Variants in WWOX observed in about 807,000 individuals in gnomAD.
WWOX encodes the protein WW domain containing oxidoreductase, also known as WW domain-containing oxidoreductase.
A neutral mutation model predicts 46.2 loss-of-function variants in WWOX; 69 were observed. The ratio of observed to expected loss-of-function variants is 1.49; its 90% CI spans 1.23 to 1.82. WWOX has a LOEUF of 1.82. WWOX is among the 40% of genes most tolerant of loss of function. The pLI is 0.00. For synonymous variants in WWOX, 359 were observed against 202.6 expected (o/e 1.77, Z -6.56); for missense variants, 919 against 542.6 (o/e 1.69, Z -6.89).
chr16:78,998,645 G>C (rs1285270038), intron 8 of WWOX, among the ~76,000 whole-genome samples: 2 of 152,214 alleles, frequency 1.3e-5, no homozygotes, highest in Non-Finnish European at 2.9e-5. Context: ...AGATGACTTT[G>C]ATGTGTGTAG....
chr16:78,392,721 T>C (rs908517044), intron 6 of WWOX, among the ~76,000 whole-genome samples: 2 of 152,174 alleles, frequency 1.3e-5, no homozygotes, highest in Non-Finnish European at 2.9e-5. Flanking sequence ...CAACTTCGTG[T>C]TTAATGTTTT....
intron 6 of WWOX, among the ~76,000 whole-genome samples, chr16:78,398,493 C>G (rs769009882): frequency 6.6e-6 from 1 of 152,196 alleles, no homozygotes; most frequent in African/African-American, 2.4e-5. Context: ...GTCACGTCCT[C>G]TACAGAGCCT....
At chr16:78,849,892 C>T (rs1444111668) in intron 8 of WWOX, among the ~76,000 whole-genome samples, 1 of 151,932 alleles carries the variant, frequency 6.6e-6, no homozygotes, top group Admixed American at 6.6e-5. Context: ...GACCAACATG[C>T]AGAAACCCTG....
chr16:79,179,488 C>G (rs1004443883), intron 8 of WWOX, among the ~76,000 whole-genome samples: 1 of 152,330 alleles, frequency 6.6e-6, no homozygotes, highest in Admixed American at 6.5e-5. Flanking sequence ...GGAAAACCTG[C>G]AAACATGCAA....
At chr16:78,911,851 G>C (rs1371234799) in intron 8 of WWOX, among the ~76,000 whole-genome samples, 2 of 152,082 alleles carry the variant, frequency 1.3e-5, no homozygotes, top group Non-Finnish European at 2.9e-5. Context: ...GGGTGACAGA[G>C]CAGGACTCCA....
intron 8 of WWOX, among the ~76,000 whole-genome samples, chr16:78,839,998 T>A (rs548659011): frequency 6.6e-6 from 1 of 152,206 alleles, no homozygotes; most frequent in African/African-American, 2.4e-5. Flanking sequence ...CATTCCCTTT[T>A]CTGAGCCACA....
intron 8 of WWOX, among the ~76,000 whole-genome samples, chr16:78,832,415 A>G (rs938575592): frequency 3.2e-4 from 49 of 152,128 alleles, no homozygotes; most frequent in African/African-American, 1.2e-3. Flanking sequence ...GCTACATTCT[A>G]TTGATTAGAA....
chr16:78,606,527 C>T (rs1377492529), intron 8 of WWOX, among the ~76,000 whole-genome samples: 2 of 151,904 alleles, frequency 1.3e-5, no homozygotes, highest in African/African-American at 2.4e-5. Flanking sequence ...TCATATGAGC[C>T]CCTCTGAACA....
At chr16:78,178,514 T>C (rs1425549595) in intron 5 of WWOX, among the ~76,000 whole-genome samples, 3 of 152,190 alleles carry the variant, frequency 2.0e-5, no homozygotes, top group Non-Finnish European at 4.4e-5. Flanking sequence ...GGAGTAGGAA[T>C]ACATGTCAGT....
intron 8 of WWOX, among the ~76,000 whole-genome samples, chr16:79,029,519 G>C (rs1261230218): frequency 2.0e-5 from 3 of 152,126 alleles, no homozygotes; most frequent in Non-Finnish European, 4.4e-5. Flanking sequence ...GAGGACTTTG[G>C]AAATGGAACA....
chr16:78,816,294 ACT>A lies in WWOX; in HGVS notation c.1056+383545_1056+383546del, dbSNP rs1237120800. ...GCATTTGAGTTCCCAAAGAAGTAAA[ACT>A]CTGTGAATGTTCACTTCATTTTTTC... is the stretch of plus-strand genomic sequence containing the variant. On this transcript the variant is annotated intron_variant, in intron 8 of 8. Transcript: ENST00000566780. Among the ~76,000 whole-genome samples, 8 of 151,826 alleles carry A rather than the reference ACT, an allele frequency of 5.3e-5. No individual in the cohort carries two copies. In the East Asian group the frequency reaches 1.2e-3, roughly 22 times the overall value.
chr16:78,864,033 A>G (rs960663923), intron 8 of WWOX, among the ~76,000 whole-genome samples: 1 of 152,122 alleles, frequency 6.6e-6, no homozygotes, highest in African/African-American at 2.4e-5. Flanking sequence ...CCCTTTGACT[A>G]TTGCAAATAA....
chr16:78,976,364 C>G (rs1221070547), intron 8 of WWOX, among the ~76,000 whole-genome samples: 1 of 152,218 alleles, frequency 6.6e-6, no homozygotes, highest in Non-Finnish European at 1.5e-5. Flanking sequence ...CAGGTCCTCG[C>G]TCACTCCCAG....
intron 8 of WWOX, among the ~76,000 whole-genome samples, chr16:78,997,409 A>C (rs2151357461): frequency 6.6e-6 from 1 of 152,238 alleles, no homozygotes; most frequent in South Asian, 2.1e-4. Context: ...ACGCAAAAGA[A>C]TTTTTTAAAA....
intron 4 of WWOX, among the ~76,000 whole-genome samples, chr16:78,122,663 G>T (rs1484952369): frequency 2.0e-5 from 3 of 149,926 alleles, no homozygotes; most frequent in African/African-American, 7.4e-5. Context: ...GTAGTGCAGT[G>T]GCGTGATCTC....
At chr16:78,655,358 G>T (rs1299692406) in intron 8 of WWOX, among the ~76,000 whole-genome samples, 1 of 152,078 alleles carries the variant, frequency 6.6e-6, no homozygotes, top group Non-Finnish European at 1.5e-5. Context: ...TAATAACGTT[G>T]GCTTGATCTC....
chr16:78,864,415 A>T (rs905580216), intron 8 of WWOX, among the ~76,000 whole-genome samples: 2 of 151,684 alleles, frequency 1.3e-5, no homozygotes, highest in African/African-American at 4.8e-5. Context: ...CCACAGGCGC[A>T]TGCCACCACA....
chr16:78,266,788 T>TTCTCTCTCTCTCTCCCTCTCTC (rs1555511363), intron 5 of WWOX, among the ~76,000 whole-genome samples: 1 of 115,532 alleles, frequency 8.7e-6, no homozygotes, highest in African/African-American at 3.2e-5. Context: ...TATTCTTCTA[T>TTCTCTCTCTCTCTCCCTCTCTC]TCTCTCTCTC....
chr16:78,680,565 A>G (rs986287683), intron 8 of WWOX, among the ~76,000 whole-genome samples: 2 of 152,168 alleles, frequency 1.3e-5, no homozygotes, highest in Non-Finnish European at 2.9e-5. Context: ...GAGCTGGGCT[A>G]TCCAATACTT....
Sources: gnomAD v4.1 joint callset for allele counts (sites outside exome capture counted in the v4.1 genomes callset) on GRCh38, gnomAD v4.1.1 for gene constraint, MANE v1.5 for transcripts, NCBI Gene and HGNC (gene_info 2026-07-23, HGNC 2026-07-21) for gene names.